TNXB: variants seen among roughly 807,000 people sequenced by gnomAD.
TNXB encodes tenascin XB.
Under a neutral mutation model 340.5 loss-of-function variants are expected in TNXB, and 183 were observed. The observed-to-expected ratio is 0.54, with a 90% CI of 0.48 to 0.61. The LOEUF is 0.61. Ranked by LOEUF, TNXB falls within the 20% of genes least tolerant of loss-of-function variation. TNXB has a pLI of 0.00. For missense variants in TNXB, 4,613 were observed against 5,446.4 expected, an observed-to-expected ratio of 0.85 and a Z score of 4.82; for synonymous variants, 2,121 against 2,314.5, an observed-to-expected ratio of 0.92 and a Z score of 2.40.
chr6:32,074,082 C>T lies in TNXB; in HGVS notation c.4376-130G>A. On this transcript the variant is annotated intron_variant, in intron 11 of 43. Transcript: ENST00000644971. This position sits in a 1 kb window ranked among gnomAD's most constrained non-coding sequence, Gnocchi z 5.5. ...CGCTGTCACCCAGAGCAGTGGGCGA[C>T]CTCGGCTCACTGCAGCCTCTGCCTC... The T allele has an allele frequency of 2.3e-6, 2 of 851,264 alleles. No homozygotes were observed. Among genetic ancestry groups the T allele is most frequent in the Non-Finnish European group, 3.4e-6 (2 of 586,778 alleles). The allele number at this position is 851,264 out of a possible 1,614,324, so 52.7% of individuals were successfully genotyped here.
In TNXB at chr6:32,097,149, CA is replaced by C. The variant is rs1164635343; in HGVS notation, c.703del (p.Cys235AlafsTer43). 6.3e-7 allele frequency: 1 copy of C among 1,596,980 alleles called. No homozygotes were observed. The highest frequency in any genetic ancestry group is 1.1e-5 in the South Asian group (1 of 88,810). On this transcript the variant is annotated frameshift_variant, in exon 3 of 44. Transcript: ENST00000644971. LOFTEE classifies it high-confidence loss of function. This position sits in a 1 kb window ranked among gnomAD's most constrained non-coding sequence, Gnocchi z 5.9. ...GTCGGGGCCTGAGAAGCCTGCCCGG[CA>C]CACACACACGCCCTGCACGCAGCGC... Reference protein sequence around the residue: ...RGRCVQGVCVCRAGFSGPDCS... With the variant: ...RGRCVQGVCVXRAGFSGPDCS...
In TNXB at chr6:32,049,941, A is replaced by G; in HGVS notation, c.9439+57T>C. Reference sequence around the variant, plus strand: ...CCCATTCCCCACCAGTCATCACCAAAGAGCAAGAGGTGGCCCTCCCACAGC... The same window carrying G: ...CCCATTCCCCACCAGTCATCACCAAGGAGCAAGAGGTGGCCCTCCCACAGC... On this transcript the variant is annotated intron_variant, in intron 27 of 43. Coordinates refer to ENST00000644971, the MANE Select transcript of TNXB (RefSeq NM_001365276.2). This position sits in a 1 kb window ranked among gnomAD's most constrained non-coding sequence, Gnocchi z 4.5. The G allele has an allele frequency of 6.2e-7, 1 of 1,608,676 alleles. No homozygotes were observed.
In TNXB at chr6:32,079,101, T is replaced by C; in HGVS notation, c.4307A>G (p.Tyr1436Cys). 2.5e-6 allele frequency: 4 copies of C among 1,613,754 alleles called. No homozygotes were observed. The highest frequency in any genetic ancestry group is 2.2e-5 in the East Asian group (1 of 44,880). Residue 1436 changes from tyrosine to cysteine, a missense_variant, in exon 11 of 44, where the codon TAC becomes TGC. By Grantham distance (194) the Tyr-to-Cys change is radical. Around this residue, in one of 7 missense-constraint regions of TNXB, gnomAD observed 4,327 missense variants for 4,859.4 expected, o/e 0.89. Coordinates refer to ENST00000644971, the MANE Select transcript of TNXB (RefSeq NM_001365276.2). The surrounding 1 kb of genome is among the most constrained non-coding windows in gnomAD (Gnocchi z 7.1). The stretch of plus-strand genomic sequence containing the variant: ...GTGGAGGCCGTACAGGTGCATCTTG[T>C]ACTTGTGCCCGGGCTCTAGGCCTCC... ...TVGGLEPGHK[Y>C]KMHLYGLHEG...
At chr6:32,099,960 A>AC (rs1439781308) in intron 1 of TNXB, among the ~76,000 whole-genome samples, 2 of 151,352 alleles carry the variant, frequency 1.3e-5, no homozygotes, top group East Asian at 1.9e-4. Flanking sequence ...AAAAAAAAAA[A>AC]AAAAAAAAAA....
chr6:32,066,804 C>T (rs1009432514), intron 18 of TNXB, among the ~76,000 whole-genome samples: 11 of 152,248 alleles, frequency 7.2e-5, no homozygotes, highest in South Asian at 4.1e-4. Flanking sequence ...CCGGGTGTGG[C>T]GGCTCACGCC....
intron 11 of TNXB, among the ~76,000 whole-genome samples, chr6:32,077,256 C>T (rs1779130818): frequency 6.6e-6 from 1 of 152,198 alleles, no homozygotes; most frequent in African/African-American, 2.4e-5. Flanking sequence ...ACCCTACAAC[C>T]TCAGGCCCCA....
At chr6:32,077,171 C>T (rs1303040671) in intron 11 of TNXB, among the ~76,000 whole-genome samples, 1 of 152,116 alleles carries the variant, frequency 6.6e-6, no homozygotes, top group African/African-American at 2.4e-5. Context: ...GTGTGGGTCC[C>T]TGGGACAGAG....
chr6:32,071,940 G>T, intron 13 of TNXB, 50 bp downstream of exon 13: 1 of 1,474,192 alleles, frequency 6.8e-7, no homozygotes, highest in South Asian at 1.3e-5. Context: ...GTGAAGAGAA[G>T]GGTGGGAAGG....
Position 32,048,422 on chromosome 6 carries a change from A to T in TNXB, c.9986T>A (p.Leu3329Gln). The T allele has an allele frequency of 1.3e-6, 2 of 1,558,626 alleles. No individual in the cohort carries two copies. The highest frequency in any genetic ancestry group is 8.7e-7 in the Non-Finnish European group (1 of 1,147,704). Residue 3329 changes from leucine to glutamine, a missense_variant, in exon 29 of 44, where the codon CTG (leucine) becomes CAG (glutamine). By Grantham distance (113) the Leu-to-Gln change is moderately radical (BLOSUM62 -2). Transcript: ENST00000644971. ...GLDPARKYKFLLFGLQNGKRH... is the reference protein window; with the variant it reads ...GLDPARKYKFQLFGLQNGKRH... ...TTTCCCATTCTGGAGTCCAAAGAGC[A>T]GGAACTTGTACTTGCGGGCCGGGTC...
In TNXB at chr6:32,098,086, C is replaced by CG. The variant is rs758797300; in HGVS notation, c.112dup (p.Arg38ProfsTer41). The CG allele has an allele frequency of 6.2e-7, 1 of 1,605,026 alleles. No homozygotes were observed. The stretch of plus-strand genomic sequence containing the variant: ...GTGGCCCCCTGGCTGGGGAGGGGGC[C>CG]GGGGGGCTGGCAGTGTCACATTGGA... On this transcript the variant is annotated frameshift_variant, in exon 2 of 44. Transcript: ENST00000644971. LOFTEE classifies it high-confidence loss of function.
intron 1 of TNXB, among the ~76,000 whole-genome samples, chr6:32,104,285 A>G (rs1480025862): frequency 6.6e-6 from 1 of 152,194 alleles, no homozygotes; most frequent in Admixed American, 6.5e-5. Flanking sequence ...CAATTTGTAA[A>G]ACACCCCAGT....
chr6:32,083,914 G>A lies in TNXB; in HGVS notation c.3445+499C>T, dbSNP rs2127260453. 1.3e-5 allele frequency among the ~76,000 whole-genome samples: 2 copies of A among 152,188 alleles called. 1 individual carries two copies. Among genetic ancestry groups the A allele is most frequent in the Non-Finnish European group, 2.9e-5 (2 of 67,988 alleles). ...TAGCCTCAAGCGATCCTCCTGCCTT[G>A]GCCTCCCAAGGTGCTGGGATTATAG... On this transcript the variant is annotated intron_variant, in intron 8 of 43. Transcript: ENST00000644971. The surrounding 1 kb of genome is among the most constrained non-coding windows in gnomAD (Gnocchi z 4.6).
rs909822622 is a variant in TNXB at position 32,090,538 on chromosome 6, A to C, written c.2359-1159T>G. ...TGTTGGCTGTGATGGGGACACCTCC[A>C]TTCAGCCAAGTAGGATTGGAAATTT... On this transcript the variant is annotated intron_variant, in intron 4 of 43. Transcript: ENST00000644971. The surrounding 1 kb of genome is among the most constrained non-coding windows in gnomAD (Gnocchi z 4.3). 1.3e-5 allele frequency among the ~76,000 whole-genome samples: 2 copies of C among 152,216 alleles called. No homozygotes were observed. The highest frequency in any genetic ancestry group is 4.8e-5 in the African/African-American group (2 of 41,446).
chr6:32,070,403 C>T lies in TNXB; in HGVS notation c.5002G>A (p.Asp1668Asn). The T allele has an allele frequency of 1.3e-6, 2 of 1,587,906 alleles. No individual in the cohort carries two copies. The highest frequency in any genetic ancestry group is 1.7e-6 in the Non-Finnish European group (2 of 1,164,640). The part of the protein sequence containing the change: ...SVEAKTVARG[D>N]ASPGAPPRLG... ...CGGGGTGGGGCCCCTGGGCTGGCGTCACCTCGGGCAACTGGAGAGGAAAGG... is the reference window on the plus strand; with the variant it reads ...CGGGGTGGGGCCCCTGGGCTGGCGTTACCTCGGGCAACTGGAGAGGAAAGG... The change falls in exon 14 of 44, where the codon GAC (aspartate) becomes AAC (asparagine). Residue 1668 changes from aspartate (D) to asparagine (N), a missense_variant. Asp to Asn is a conservative substitution (Grantham distance 23). Around this residue, in one of 7 missense-constraint regions of TNXB, gnomAD observed 4,327 missense variants for 4,859.4 expected, o/e 0.89. Coordinates refer to ENST00000644971, the MANE Select transcript of TNXB (RefSeq NM_001365276.2). This position sits in a 1 kb window ranked among gnomAD's most constrained non-coding sequence, Gnocchi z 6.0.
intron 1 of TNXB, among the ~76,000 whole-genome samples, chr6:32,104,038 T>G (rs1168780902): frequency 1.3e-5 from 2 of 152,040 alleles, no homozygotes. Context: ...GCCCTTCTCT[T>G]TTAAAACATT....
In TNXB at chr6:32,085,937, G is replaced by C; in HGVS notation, c.2961C>G (p.Thr987=). The C allele has an allele frequency of 1.9e-6, 3 of 1,608,468 alleles. No individual in the cohort carries two copies. Among genetic ancestry groups the C allele is most frequent in the Non-Finnish European group, 2.5e-6 (3 of 1,178,816 alleles). ...GCATGCGCAGTTGGAAGTAGGCAAA[G>C]GTGTCAGGCTGGGCGGTCCAGACCA... ...LRVVWTAQPD[T]FAYFQLRMRV... is the part of the protein sequence containing the mutation. Residue 987 remains threonine, a synonymous_variant, in exon 7 of 44, where the codon ACC becomes ACG. Coordinates refer to ENST00000644971, the MANE Select transcript of TNXB (RefSeq NM_001365276.2). This position sits in a 1 kb window ranked among gnomAD's most constrained non-coding sequence, Gnocchi z 6.4.
rs757038710 is a variant in TNXB at position 32,085,877 on chromosome 6, CA to C, written c.3020del (p.Val1007GlyfsTer62). 6.2e-7 allele frequency: 1 copy of C among 1,608,686 alleles called. No individual in the cohort carries two copies. The highest frequency in any genetic ancestry group is 1.1e-5 in the South Asian group (1 of 90,128). On this transcript the variant is annotated frameshift_variant, in exon 7 of 44. Coordinates refer to ENST00000644971, the MANE Select transcript of TNXB (RefSeq NM_001365276.2). LOFTEE classifies it high-confidence loss of function. This position sits in a 1 kb window ranked among gnomAD's most constrained non-coding sequence, Gnocchi z 6.4. ...VPEGPGAHEE[V>X]LPGDVRQALV... ...GAGCCTGGCGGACGTCCCCTGGCAG[CA>C]CTTCCTCATGTGCCCCCGGCCCCTC...
intron 26 of TNXB, among the ~76,000 whole-genome samples, chr6:32,050,691 C>G (rs1214913781): frequency 6.6e-6 from 1 of 152,154 alleles, no homozygotes; most frequent in East Asian, 1.9e-4. Flanking sequence ...GCACACTCCT[C>G]CCGAGGCCAG....
intron 6 of TNXB, 77 bp from the exon 7 acceptor site, chr6:32,086,195 G>T: frequency 7.1e-7 from 1 of 1,411,030 alleles, no homozygotes; most frequent in Non-Finnish European, 9.3e-7. Flanking sequence ...CCCAGGTTCT[G>T]CCCTCCAGCC....
Sources: allele counts gnomAD v4.1 joint callset (sites outside exome capture counted in the v4.1 genomes callset), GRCh38; gene constraint gnomAD v4.1.1; regional missense constraint gnomAD v4.1.1; non-coding constraint Gnocchi (gnomAD v3.1); transcripts MANE v1.5; gene names NCBI Gene and HGNC (gene_info 2026-07-23, HGNC 2026-07-21).